C1GALT1: variants seen among roughly 807,000 people sequenced by gnomAD.
The protein encoded by C1GALT1 is core 1 synthase, glycoprotein-N-acetylgalactosamine 3-beta-galactosyltransferase 1, also known as glycoprotein-N-acetylgalactosamine 3-beta-galactosyltransferase 1.
A neutral mutation model predicts 31.0 loss-of-function variants in C1GALT1; 11 were observed. That is an observed-to-expected ratio of 0.36 (90% CI 0.22 to 0.59). The LOEUF is 0.59. Among genes scored for constraint, C1GALT1 ranks in the 20% least tolerant of loss-of-function variants. C1GALT1 has a pLI of 0.79. For synonymous variants in C1GALT1, 175 were observed against 143.6 expected (o/e 1.22, Z -1.56); for missense variants, 424 against 425.2 (o/e 1.00, Z 0.03).
intron 2 of C1GALT1, among the ~76,000 whole-genome samples, chr7:7,161,005 T>C (rs73674668): frequency 1.8e-3 from 280 of 152,216 alleles, no homozygotes; most frequent in African/African-American, 6.5e-3. Flanking sequence ...TAAGACAGAA[T>C]AATAGGCAGT....
chr7:7,234,952 A>G (rs1171391400), intron 2 of C1GALT1: 2 of 153,908 alleles, frequency 1.3e-5, no homozygotes. Flanking sequence ...ATTAGTTAAT[A>G]GAACTAATCT....
chr7:7,186,143 CTCTTTCTT>C (rs55889775), intron 1 of C1GALT1, among the ~76,000 whole-genome samples: 19 of 151,070 alleles, frequency 1.3e-4, no homozygotes, highest in Admixed American at 2.6e-4. Flanking sequence ...TAGCCCAGAA[CTCTTTCTT>C]TCTTTCTTTC....
intron 1 of C1GALT1, among the ~76,000 whole-genome samples, chr7:7,227,719 CAA>C (rs57031681): frequency 7.6e-5 from 9 of 119,068 alleles, no homozygotes; most frequent in African/African-American, 8.6e-5. Context: ...GACTCCGTCT[CAA>C]AAAAAAAAAA....
At chr7:7,158,566 A>T (rs182940419) in intron 2 of C1GALT1, among the ~76,000 whole-genome samples, 1 of 150,874 alleles carries the variant, frequency 6.6e-6, no homozygotes, top group Admixed American at 6.6e-5. Flanking sequence ...TACATATTAT[A>T]TACACATACA....
chr7:7,223,956 TGA>T (rs1159055896), intron 1 of C1GALT1, among the ~76,000 whole-genome samples: 3 of 152,312 alleles, frequency 2.0e-5, no homozygotes, highest in East Asian at 3.9e-4. Flanking sequence ...TTTGTTTTTC[TGA>T]GAGTTATTTG....
intron 1 of C1GALT1, among the ~76,000 whole-genome samples, chr7:7,208,683 A>G (rs184415196): frequency 1.3e-5 from 2 of 152,210 alleles, no homozygotes; most frequent in African/African-American, 2.4e-5. Flanking sequence ...CCCTGCACCT[A>G]TATCTTCGTG....
chr7:7,201,778 C>T (rs183649668), intron 1 of C1GALT1, among the ~76,000 whole-genome samples: 1 of 152,234 alleles, frequency 6.6e-6, no homozygotes, highest in South Asian at 2.1e-4. Flanking sequence ...GTAAGCAGGG[C>T]TTTCAGGTTT....
intron 1 of C1GALT1, among the ~76,000 whole-genome samples, chr7:7,183,029 C>G (rs1478015184): frequency 6.6e-6 from 1 of 152,170 alleles, no homozygotes; most frequent in African/African-American, 2.4e-5. Context: ...CCTTAGCGAT[C>G]TGCCACAGCG....
intron 1 of C1GALT1, among the ~76,000 whole-genome samples, chr7:7,185,277 G>A (rs1376312540): frequency 6.6e-6 from 1 of 152,190 alleles, no homozygotes; most frequent in Admixed American, 6.5e-5. Flanking sequence ...TGGGAAACCT[G>A]TATATTAAAG....
At chr7:7,190,585 T>A (rs1781025037) in intron 1 of C1GALT1, among the ~76,000 whole-genome samples, 1 of 152,180 alleles carries the variant, frequency 6.6e-6, no homozygotes, top group Non-Finnish European at 1.5e-5. Context: ...TTGTTTTCAT[T>A]ACCTTTTTTA....
chr7:7,182,806 C>T lies in C1GALT1; in HGVS notation c.-32C>T. 1 of 985,558 alleles carries T rather than the reference C, an allele frequency of 1.0e-6. No individual in the cohort carries two copies. The highest frequency in any genetic ancestry group is 4.7e-5 in the South Asian group (1 of 21,286). 61.1% of individuals were successfully genotyped at this position (985,558 alleles called of 1,614,324 possible). On this transcript the variant is annotated 5_prime_UTR_variant, in exon 1 of 4. Coordinates refer to ENST00000436587, the MANE Select transcript of C1GALT1 (RefSeq NM_020156.5). Reference sequence around the variant, plus strand: ...CCCCCCAGGAGGGGCGAGAGGGAGCCGCAGCTGATGTCAGGTATGGCCGGC... The same window carrying T: ...CCCCCCAGGAGGGGCGAGAGGGAGCTGCAGCTGATGTCAGGTATGGCCGGC...
chr7:7,200,961 G>T (rs1004140078), intron 1 of C1GALT1, among the ~76,000 whole-genome samples: 2 of 152,152 alleles, frequency 1.3e-5, no homozygotes, highest in South Asian at 2.1e-4. Flanking sequence ...TTAGCTCGGA[G>T]AATTTGTTAT....
intron 3 of C1GALT1, among the ~76,000 whole-genome samples, chr7:7,240,251 TA>T (rs1244725001): frequency 6.6e-6 from 1 of 152,152 alleles, no homozygotes; most frequent in Non-Finnish European, 1.5e-5. Flanking sequence ...ATAAACCTAC[TA>T]AATGCTAAAC....
intron 1 of C1GALT1, among the ~76,000 whole-genome samples, chr7:7,213,397 TC>T (rs1782096317): frequency 6.6e-6 from 1 of 152,180 alleles, no homozygotes; most frequent in Non-Finnish European, 1.5e-5. Context: ...ATTTTAGAAA[TC>T]CCATACAATT....
intron 1 of C1GALT1, among the ~76,000 whole-genome samples, chr7:7,189,409 T>C (rs1024920834): frequency 2.0e-5 from 3 of 152,134 alleles, no homozygotes; most frequent in Non-Finnish European, 4.4e-5. Flanking sequence ...CTACCAGTTT[T>C]CTTGTATCTG....
At chr7:7,165,982 G>GTATA (rs1461927816) in intron 2 of C1GALT1, among the ~76,000 whole-genome samples, 1 of 152,146 alleles carries the variant, frequency 6.6e-6, no homozygotes, top group Non-Finnish European at 1.5e-5. Context: ...ATTTCATTAT[G>GTATA]TATATGCAAA....
At chr7:7,174,573 C>T (rs1358179891) in intron 2 of C1GALT1, among the ~76,000 whole-genome samples, 1 of 140,876 alleles carries the variant, frequency 7.1e-6, no homozygotes, top group Non-Finnish European at 1.5e-5. Flanking sequence ...GAGAACTCAT[C>T]TCTAGTTAAA....
chr7:7,224,303 A>G (rs867583863), intron 1 of C1GALT1, among the ~76,000 whole-genome samples: 1 of 150,712 alleles, frequency 6.6e-6, no homozygotes, highest in Non-Finnish European at 1.5e-5. Flanking sequence ...GGATTTTGGT[A>G]TCAGGGTAAT....
intron 2 of C1GALT1, among the ~76,000 whole-genome samples, chr7:7,164,003 C>T (rs979094877): frequency 3.9e-5 from 6 of 152,042 alleles, no homozygotes; most frequent in South Asian, 2.1e-4. Flanking sequence ...GAGCCCGCAT[C>T]GCCAAGTCAA....
Sources: allele counts gnomAD v4.1 joint callset (sites outside exome capture counted in the v4.1 genomes callset), GRCh38; gene constraint gnomAD v4.1.1; transcripts MANE v1.5; gene names NCBI Gene and HGNC (gene_info 2026-07-23, HGNC 2026-07-21).